LAMA3: variants seen among roughly 807,000 people sequenced by gnomAD.
The protein encoded by LAMA3 is laminin subunit alpha-3.
In LAMA3, 281 loss-of-function variants were observed where a neutral mutation model predicts 402.0. The observed-to-expected ratio is 0.70, with a 90% CI of 0.63 to 0.77. The LOEUF (loss-of-function observed/expected upper bound fraction) is 0.77. Ranked by LOEUF, LAMA3 falls within the 30% of genes least tolerant of loss-of-function variation. The pLI is 0.00. For synonymous variants in LAMA3, 1,431 were observed against 1,558.4 expected, an observed-to-expected ratio of 0.92 and a Z score of 1.93; for missense variants, 3,840 against 4,215.5, an observed-to-expected ratio of 0.91 and a Z score of 2.47.
chr18:23,751,171 G>A, intron 5 of LAMA3, 83 bp downstream of exon 5: 3 of 1,333,728 alleles, frequency 2.2e-6, no homozygotes, highest in Non-Finnish European at 3.2e-6. Flanking sequence ...ACTCTTTTAA[G>A]TAACCTTTAT....
At chr18:23,752,912 A>T (rs1262523205) in intron 5 of LAMA3, among the ~76,000 whole-genome samples, 1 of 152,230 alleles carries the variant, frequency 6.6e-6, no homozygotes, top group African/African-American at 2.4e-5. Context: ...CATGGCCTCA[A>T]TGAGAAAGAT....
chr18:23,941,336 C>T (rs1418695041), intron 68 of LAMA3, among the ~76,000 whole-genome samples: 7 of 144,684 alleles, frequency 4.8e-5, no homozygotes, highest in East Asian at 2.1e-4. Context: ...GCCCCCCCCC[C>T]GCCCGGCAGC....
At chr18:23,756,035 C>T (rs1395914438) in intron 6 of LAMA3, among the ~76,000 whole-genome samples, 1 of 152,134 alleles carries the variant, frequency 6.6e-6, no homozygotes, top group Non-Finnish European at 1.5e-5. Context: ...AAGCAGTCTT[C>T]CCTAAATAAT....
chr18:23,895,035 G>T lies in LAMA3; in HGVS notation c.5590G>T (p.Glu1864Ter). The part of the protein sequence containing the change: ...AGLLEQMRHM[E>*]TQAKDLRNQL... ...GCTTCTGGAGCAGATGAGGCACATG[G>T]AGACCCAGGCCAAGGACCTGAGGGT... Residue 1864 changes from glutamate to a stop codon, truncating the protein, a stop_gained, in exon 44 of 75, where the codon GAG becomes TAG. Coordinates refer to ENST00000313654, the MANE Select transcript of LAMA3 (RefSeq NM_198129.4). LOFTEE classifies it high-confidence loss of function. 6.2e-7 allele frequency: 1 copy of T among 1,607,538 alleles called. No homozygotes were observed. Among genetic ancestry groups the T allele is most frequent in the Non-Finnish European group, 8.5e-7 (1 of 1,177,052 alleles).
At chr18:23,816,647 GT>G (rs2063181729) in intron 18 of LAMA3, among the ~76,000 whole-genome samples, 160 bp downstream of exon 18, 1 of 152,198 alleles carries the variant, frequency 6.6e-6, no homozygotes, top group South Asian at 2.1e-4. Context: ...TTGTGTGTGA[GT>G]TGTTTAAAAC....
At chr18:23,838,035 A>G (rs1216679141) in intron 25 of LAMA3, among the ~76,000 whole-genome samples, 3 of 152,158 alleles carry the variant, frequency 2.0e-5, no homozygotes, top group African/African-American at 7.2e-5. Context: ...ATTTAAGGGT[A>G]AGTTTTCCCT....
At chr18:23,795,188 C>G (rs1211896364) in intron 12 of LAMA3, among the ~76,000 whole-genome samples, 1 of 152,164 alleles carries the variant, frequency 6.6e-6, no homozygotes, top group Non-Finnish European at 1.5e-5. Flanking sequence ...ATTTGTTTTG[C>G]AAGCCAATTG....
chr18:23,874,989 G>A (rs554326336), intron 38 of LAMA3, among the ~76,000 whole-genome samples: 1 of 152,188 alleles, frequency 6.6e-6, no homozygotes, highest in South Asian at 2.1e-4. Flanking sequence ...TCAACCTCCC[G>A]AGTAGCTGGG....
chr18:23,705,377 T>A (rs1196416287), intron 1 of LAMA3, among the ~76,000 whole-genome samples: 1 of 151,882 alleles, frequency 6.6e-6, no homozygotes. Flanking sequence ...TATACACAAA[T>A]ATATATTGCA....
intron 2 of LAMA3, among the ~76,000 whole-genome samples, chr18:23,715,450 TA>T (rs896219744): frequency 7.2e-5 from 11 of 152,080 alleles, no homozygotes; most frequent in African/African-American, 1.7e-4. Context: ...GTGACTTTGA[TA>T]AGAGAGCATT....
At chr18:23,795,353 C>G (rs1323094832) in intron 12 of LAMA3, among the ~76,000 whole-genome samples, 3 of 152,128 alleles carry the variant, frequency 2.0e-5, no homozygotes, top group African/African-American at 7.2e-5. Flanking sequence ...TAACCCAATT[C>G]TGAAGATACT....
intron 42 of LAMA3, among the ~76,000 whole-genome samples, chr18:23,892,097 G>A (rs1369634652): frequency 6.6e-6 from 1 of 152,194 alleles, no homozygotes; most frequent in African/African-American, 2.4e-5. Flanking sequence ...GCAAGAGGAA[G>A]CTCTATTTTA....
chr18:23,919,324 G>A lies in LAMA3; in HGVS notation c.7924-1611G>A, dbSNP rs138272439. On this transcript the variant is annotated intron_variant, in intron 60 of 74. Coordinates refer to ENST00000313654, the MANE Select transcript of LAMA3 (RefSeq NM_198129.4). ...AACTGTGTAAAAGCAAAGCCTTCAA[G>A]CCCTAAGTCAGAAATTGCTCAGCTT... Among the ~76,000 whole-genome samples the A allele has an allele frequency of 3.2e-3, 492 of 152,292 alleles. 3 individuals carry two copies. Among genetic ancestry groups the A allele is most frequent in the Non-Finnish European group, 4.9e-3 (330 of 68,020 alleles).
At chr18:23,948,213 A>G (rs1229407915) in intron 70 of LAMA3, among the ~76,000 whole-genome samples, 1 of 152,214 alleles carries the variant, frequency 6.6e-6, no homozygotes, top group Non-Finnish European at 1.5e-5. Flanking sequence ...CCCAGCATCT[A>G]ACATCTGGGC....
chr18:23,774,143 A>G (rs2062263790), intron 9 of LAMA3, among the ~76,000 whole-genome samples: 1 of 152,164 alleles, frequency 6.6e-6, no homozygotes, highest in African/African-American at 2.4e-5. Context: ...GAATTGCTTG[A>G]ACCCAGGAGG....
At chr18:23,723,499 GA>G (rs150783750) in intron 2 of LAMA3, among the ~76,000 whole-genome samples, 4,298 of 147,190 alleles carry the variant, frequency 0.029, 182 homozygotes, top group African/African-American at 0.097. Context: ...CATTTAGTAG[GA>G]AAAAAAAAAT....
intron 64 of LAMA3, 119 bp from the exon 65 acceptor site, chr18:23,930,943 C>A: frequency 2.1e-6 from 2 of 950,274 alleles, no homozygotes; most frequent in East Asian, 2.5e-5. Context: ...AAACTCAAAG[C>A]ATTTGGGTCA....
Position 23,814,458 on chromosome 18 carries a change from T to A in LAMA3, c.1844T>A (p.Leu615Gln). 1.2e-6 allele frequency: 2 copies of A among 1,613,984 alleles called. No homozygotes were observed. Among genetic ancestry groups the A allele is most frequent in the African/African-American group, 1.3e-5 (1 of 75,058 alleles). Residue 615 changes from leucine (L) to glutamine (Q), a missense_variant, in exon 15 of 75, where the codon CTG becomes CAG. Physicochemically the swap from Leu to Gln is moderately radical, Grantham distance 113 (BLOSUM62 -2). Around this residue, in one of 3 missense-constraint regions of LAMA3, gnomAD observed 2,109 missense variants for 2,376.0 expected, o/e 0.89. Coordinates refer to ENST00000313654, the MANE Select transcript of LAMA3 (RefSeq NM_198129.4). ...GGTCCTACTTGTAGCCGCTGCAAAC[T>A]GTTATATTGGAATCTGGACAAAGAA... is the stretch of plus-strand genomic sequence containing the variant. ...VEGPTCSRCK[L>Q]LYWNLDKENP...
At chr18:23,842,785 A>C in intron 29 of LAMA3, 35 bp downstream of exon 29, 1 of 1,613,688 alleles carries the variant, frequency 6.2e-7, no homozygotes, top group Non-Finnish European at 8.5e-7. Context: ...TGCTCCTCAC[A>C]TGCCTGCCTG....
Sources: allele counts gnomAD v4.1 joint callset (sites outside exome capture counted in the v4.1 genomes callset), GRCh38; gene constraint gnomAD v4.1.1; regional missense constraint gnomAD v4.1.1; transcripts MANE v1.5; gene names NCBI Gene and HGNC (gene_info 2026-07-23, HGNC 2026-07-21).